Variants in OR7E24 observed in about 807,000 individuals in gnomAD.
OR7E24 encodes the protein olfactory receptor family 7 subfamily E member 24, also known as olfactory receptor 7E24.
For synonymous variants in OR7E24, 130 were observed against 157.5 expected, an observed-to-expected ratio of 0.83 and a Z score of 1.31; for missense variants, 385 against 410.3, an observed-to-expected ratio of 0.94 and a Z score of 0.53.
At chr19:9,244,256 A>C (rs1477873568), upstream of OR7E24, among the ~76,000 whole-genome samples, 1 of 152,260 alleles carries the variant, frequency 6.6e-6, no homozygotes, top group Non-Finnish European at 1.5e-5. Flanking sequence ...ATCCATTAAA[A>C]AGAAAAGTTG....
At chr19:9,229,765 G>A in the OR7E24 span, among the ~76,000 whole-genome samples, 2 of 152,156 alleles carry the variant, frequency 1.3e-5, no homozygotes, top group South Asian at 2.1e-4. Context: ...TTTATTTAAT[G>A]AGGCTCTCTG....
chr19:9,241,292 A>G, the OR7E24 span, among the ~76,000 whole-genome samples: 1 of 152,156 alleles, frequency 6.6e-6, no homozygotes, highest in Non-Finnish European at 1.5e-5. Flanking sequence ...CAATCTGTCT[A>G]AGTGGTGGTT....
chr19:9,229,383 A>C, the OR7E24 span, among the ~76,000 whole-genome samples: 1 of 151,904 alleles, frequency 6.6e-6, no homozygotes, highest in Admixed American at 6.6e-5. Flanking sequence ...AAAACTACAA[A>C]AATTAGCCGG....
upstream of OR7E24, chr19:9,247,646 G>A: frequency 2.5e-6 from 1 of 397,656 alleles, no homozygotes. Flanking sequence ...TTATGTTCGG[G>A]GTTTATTTTC....
chr19:9,216,165 A>G, the OR7E24 span, among the ~76,000 whole-genome samples: 2 of 152,120 alleles, frequency 1.3e-5, no homozygotes, highest in Admixed American at 1.3e-4. Flanking sequence ...CCCATTACAC[A>G]TGGGAATTCA....
At chr19:9,233,907 C>CTTTT in the OR7E24 span, among the ~76,000 whole-genome samples, 26 of 143,630 alleles carry the variant, frequency 1.8e-4, no homozygotes, top group Admixed American at 6.3e-4. Context: ...ACATGTCTTT[C>CTTTT]TTTTTTTTTT....
Position 9,251,255 on chromosome 19 carries a change from C to G in OR7E24, c.212C>G (p.Ser71Cys). The G allele has an allele frequency of 6.2e-7, 1 of 1,613,862 alleles. No individual in the cohort carries two copies. Among genetic ancestry groups the G allele is most frequent in the Non-Finnish European group, 8.5e-7 (1 of 1,179,888 alleles). Residue 71 changes from serine to cysteine, a missense_variant, in exon 1 of 1, where the codon TCC (serine) becomes TGC (cysteine). Physicochemically the swap from Ser to Cys is moderately radical, Grantham distance 112. Coordinates refer to ENST00000456448, the MANE Select transcript of OR7E24 (RefSeq NM_001079935.2). The stretch of plus-strand genomic sequence containing the variant: ...ATCATCCTGGCTGTCAGCTCTGACT[C>G]CCACCTCCACACCCCCATGTACTTC... ...LLIILAVSSDSHLHTPMYFFL... is the reference protein window; with the variant it reads ...LLIILAVSSDCHLHTPMYFFL...
chr19:9,211,541 G>C, the OR7E24 span: 4 of 152,076 alleles, frequency 2.6e-5, no homozygotes, highest in African/African-American at 9.7e-5. Context: ...ACATAAATCT[G>C]AACTTCAAGA....
the OR7E24 span, among the ~76,000 whole-genome samples, chr19:9,216,792 A>G: frequency 6.6e-6 from 1 of 152,152 alleles, no homozygotes; most frequent in African/African-American, 2.4e-5. Flanking sequence ...GGGTTTCACC[A>G]TGTTGGCCAG....
At chr19:9,213,634 A>G in the OR7E24 span, 2 of 396,032 alleles carry the variant, frequency 5.1e-6, no homozygotes, top group East Asian at 5.2e-5. Context: ...GCTACTTGAG[A>G]GGCTGAGGCA....
At chr19:9,220,139 A>G in the OR7E24 span, among the ~76,000 whole-genome samples, 1 of 152,136 alleles carries the variant, frequency 6.6e-6, no homozygotes, top group East Asian at 1.9e-4. Flanking sequence ...TGGACATTCA[A>G]TGTATCTAAT....
the OR7E24 span, chr19:9,235,299 C>A: frequency 7.9e-7 from 1 of 1,264,628 alleles, no homozygotes; most frequent in Non-Finnish European, 1.2e-6. Flanking sequence ...TCAGCTCTGA[C>A]TCCCACCTCC....
At chr19:9,231,533 T>C in the OR7E24 span, among the ~76,000 whole-genome samples, 2 of 152,160 alleles carry the variant, frequency 1.3e-5, no homozygotes, top group Non-Finnish European at 2.9e-5. Context: ...TGAGCCGAGA[T>C]TGCGCCACTG....
the OR7E24 span, among the ~76,000 whole-genome samples, chr19:9,239,258 C>T: frequency 0.11 from 16,046 of 152,060 alleles, 1,097 homozygotes; most frequent in African/African-American, 0.19. Flanking sequence ...CAAGCTCCCC[C>T]TCCTTGGTTC....
the OR7E24 span, among the ~76,000 whole-genome samples, chr19:9,237,000 G>A: frequency 6.6e-6 from 1 of 152,102 alleles, no homozygotes; most frequent in Admixed American, 6.5e-5. Context: ...TTGAGTTGAG[G>A]TCGGCTATAT....
At chr19:9,237,298 AATTT>A in the OR7E24 span, among the ~76,000 whole-genome samples, 11 of 148,908 alleles carry the variant, frequency 7.4e-5, no homozygotes, top group African/African-American at 2.5e-4. Flanking sequence ...GTTTTTTTAA[AATTT>A]ATTTATTTAT....
At chr19:9,213,468 G>A in the OR7E24 span, 3 of 154,760 alleles carry the variant, frequency 1.9e-5, no homozygotes, top group South Asian at 2.0e-4. Flanking sequence ...GGCCAGGCAC[G>A]GTGGCTCACG....
chr19:9,236,093 C>T, the OR7E24 span: 3 of 1,345,372 alleles, frequency 2.2e-6, no homozygotes, highest in African/African-American at 2.9e-5. Context: ...CGGTACACAA[C>T]CTCAGAACTA....
chr19:9,217,639 A>G, the OR7E24 span, among the ~76,000 whole-genome samples: 3 of 152,078 alleles, frequency 2.0e-5, no homozygotes, highest in African/African-American at 7.2e-5. Flanking sequence ...CCCAGGTTCA[A>G]GCGATTCTCC....
Sources: gnomAD v4.1 joint callset for allele counts (sites outside exome capture counted in the v4.1 genomes callset) on GRCh38, gnomAD v4.1.1 for gene constraint, MANE v1.5 for transcripts, NCBI Gene and HGNC (gene_info 2026-07-23, HGNC 2026-07-21) for gene names.